Variants in OTUD7A observed in about 807,000 individuals in gnomAD.
OTUD7A encodes the protein OTU domain-containing protein 7A.
In OTUD7A, 12 loss-of-function variants were observed where a neutral mutation model predicts 65.7. The ratio of observed to expected loss-of-function variants is 0.18; its 90% CI spans 0.12 to 0.30. The LOEUF (loss-of-function observed/expected upper bound fraction) is 0.30, where lower values mean the gene tolerates loss of function less well. OTUD7A is among the 10% of genes least tolerant of loss of function. The pLI, the probability that OTUD7A is intolerant of heterozygous loss-of-function variation, is 1.00. For missense variants in OTUD7A, 1,148 were observed against 1,304.8 expected, an observed-to-expected ratio of 0.88 and a Z score of 1.85; for synonymous variants, 641 against 586.3, an observed-to-expected ratio of 1.09 and a Z score of -1.35.
At chr15:31,821,756 T>C (rs1297371663) in intron 1 of OTUD7A, among the ~76,000 whole-genome samples, 2 of 152,238 alleles carry the variant, frequency 1.3e-5, no homozygotes, top group African/African-American at 2.4e-5. Context: ...ATAGTTCCAA[T>C]TTCTCTACCT....
chr15:31,670,818 C>T lies in OTUD7A; in HGVS notation c.-99-13741G>A, dbSNP rs550315905. ...CATCCTGGCTAACAAGGTGAAACCCCGTCTCTACTAAAAATACAAAAAAAA... is the reference window on the plus strand; with the variant it reads ...CATCCTGGCTAACAAGGTGAAACCCTGTCTCTACTAAAAATACAAAAAAAA... On this transcript the variant is annotated intron_variant, in intron 1 of 12. Transcript: ENST00000307050. Among the ~76,000 whole-genome samples, 4 of 152,118 alleles carry T rather than the reference C, an allele frequency of 2.6e-5. No individual in the cohort carries two copies. The East Asian group carries it at 5.8e-4, about 22-fold the overall frequency.
intron 3 of OTUD7A, among the ~76,000 whole-genome samples, chr15:31,586,073 C>A (rs1889526577): frequency 6.6e-6 from 1 of 152,196 alleles, no homozygotes; most frequent in South Asian, 2.1e-4. Context: ...CGCTGGTTCA[C>A]CCTATGGAGA....
At chr15:31,556,077 A>C (rs1216207083) in intron 5 of OTUD7A, 1 of 152,172 alleles carries the variant, frequency 6.6e-6, no homozygotes, top group South Asian at 2.1e-4. Context: ...TCTGAGCTCA[A>C]GTGATTCTCC....
chr15:31,661,993 C>T (rs1892178700), intron 1 of OTUD7A, among the ~76,000 whole-genome samples: 1 of 152,086 alleles, frequency 6.6e-6, no homozygotes, highest in Non-Finnish European at 1.5e-5. Flanking sequence ...GTCACATGCT[C>T]CTCTGTCCTC....
At chr15:31,738,652 C>G (rs573071079) in intron 1 of OTUD7A, among the ~76,000 whole-genome samples, 4 of 152,202 alleles carry the variant, frequency 2.6e-5, no homozygotes, top group African/African-American at 7.2e-5. Context: ...CCTGTACATG[C>G]ACACGCTGCT....
intron 3 of OTUD7A, among the ~76,000 whole-genome samples, chr15:31,590,192 C>G (rs1408115003): frequency 6.6e-6 from 1 of 152,182 alleles, no homozygotes; most frequent in Non-Finnish European, 1.5e-5. Flanking sequence ...TATACAAATA[C>G]TCACCACTGT....
rs568881102 is a variant in OTUD7A, at chr15:31,835,802, A to G, written c.-100+34705T>C. Among the ~76,000 whole-genome samples the G allele has an allele frequency of 4.9e-4, 74 of 152,286 alleles. No individual in the cohort carries two copies. The Middle Eastern group carries it at 0.01, about 21-fold the overall frequency. ...TACACATGTATGCATACACACATAC[A>G]CATATGTAAACATACACACACAGAC... On this transcript the variant is annotated intron_variant, in intron 1 of 12. Transcript: ENST00000307050.
At chr15:31,722,165 CCT>C (rs1893757966) in intron 1 of OTUD7A, among the ~76,000 whole-genome samples, 1 of 152,236 alleles carries the variant, frequency 6.6e-6, no homozygotes, top group African/African-American at 2.4e-5. Context: ...GCCCCCGATC[CCT>C]CTGAGGTCAA....
At chr15:31,726,059 T>C (rs1417173170) in intron 1 of OTUD7A, among the ~76,000 whole-genome samples, 1 of 152,012 alleles carries the variant, frequency 6.6e-6, no homozygotes, top group Non-Finnish European at 1.5e-5. Context: ...ACAGAGTTTT[T>C]TTTTTTTTTT....
At chr15:31,613,341 C>T (rs1303996738) in intron 3 of OTUD7A, among the ~76,000 whole-genome samples, 1 of 152,132 alleles carries the variant, frequency 6.6e-6, no homozygotes, top group Non-Finnish European at 1.5e-5. Context: ...AAGGAACAGC[C>T]AGCAGAGTAA....
intron 1 of OTUD7A, among the ~76,000 whole-genome samples, chr15:31,856,938 CCT>C (rs768273269): frequency 2.0e-5 from 3 of 152,308 alleles, no homozygotes; most frequent in African/African-American, 4.8e-5. Flanking sequence ...CCACTGAGCC[CCT>C]CTCTTTTTCC....
intron 1 of OTUD7A, among the ~76,000 whole-genome samples, chr15:31,818,260 G>C (rs1008024940): frequency 6.6e-6 from 1 of 152,146 alleles, no homozygotes; most frequent in Non-Finnish European, 1.5e-5. Context: ...ACATATGCTA[G>C]CAACAGCCTT....
At chr15:31,686,947 G>T (rs2455709) in intron 1 of OTUD7A, among the ~76,000 whole-genome samples, 2 of 152,170 alleles carry the variant, frequency 1.3e-5, no homozygotes, top group African/African-American at 4.8e-5. Flanking sequence ...CAACAGCAAT[G>T]TTTTTGAAGA....
intron 1 of OTUD7A, among the ~76,000 whole-genome samples, chr15:31,756,225 A>G (rs1277603494): frequency 2.6e-5 from 4 of 152,178 alleles, no homozygotes; most frequent in Non-Finnish European, 5.9e-5. Flanking sequence ...ACTCTTTTAC[A>G]GTGTATCTTT....
intron 1 of OTUD7A, among the ~76,000 whole-genome samples, chr15:31,665,494 T>A (rs1286255866): frequency 6.6e-6 from 1 of 152,222 alleles, no homozygotes; most frequent in African/African-American, 2.4e-5. Flanking sequence ...GAGCTACCAA[T>A]TTGTGTACAT....
intron 3 of OTUD7A, among the ~76,000 whole-genome samples, chr15:31,616,917 T>C (rs1055666384): frequency 2.0e-5 from 3 of 152,148 alleles, no homozygotes; most frequent in African/African-American, 7.2e-5. Flanking sequence ...CCCAAAGTAC[T>C]TACTATCTGT....
At chr15:31,578,075 A>G (rs566719501) in intron 3 of OTUD7A, among the ~76,000 whole-genome samples, 1 of 152,254 alleles carries the variant, frequency 6.6e-6, no homozygotes, top group African/African-American at 2.4e-5. Context: ...CCCGACAACC[A>G]TCTAAATAGG....
chr15:31,854,006 T>C (rs1296643124), intron 1 of OTUD7A, among the ~76,000 whole-genome samples: 1 of 152,202 alleles, frequency 6.6e-6, no homozygotes, highest in Non-Finnish European at 1.5e-5. Context: ...TTTCTATTAG[T>C]TTTTTATTAC....
At chr15:31,730,043 G>A (rs1457405414) in intron 1 of OTUD7A, among the ~76,000 whole-genome samples, 1 of 152,162 alleles carries the variant, frequency 6.6e-6, no homozygotes, top group Non-Finnish European at 1.5e-5. Flanking sequence ...TGAGGCCTTT[G>A]GCAGGTGATT....
Sources: gnomAD v4.1 joint callset for allele counts (sites outside exome capture counted in the v4.1 genomes callset) on GRCh38, gnomAD v4.1.1 for gene constraint, MANE v1.5 for transcripts, NCBI Gene and HGNC (gene_info 2026-07-23, HGNC 2026-07-21) for gene names.